MAGI2: variants seen among roughly 807,000 people sequenced by gnomAD.
The protein encoded by MAGI2 is membrane associated guanylate kinase, WW and PDZ domain containing 2.
In MAGI2, 35 loss-of-function variants were observed where a neutral mutation model predicts 133.3. The observed-to-expected ratio is 0.26, with a 90% CI of 0.20 to 0.35. MAGI2 has a LOEUF of 0.35. MAGI2 is among the 10% of genes least tolerant of loss of function. The pLI is 1.00. For synonymous variants in MAGI2, 729 were observed against 710.6 expected (o/e 1.03, Z -0.41); for missense variants, 1,636 against 1,863.4 (o/e 0.88, Z 2.25).
intron 2 of MAGI2, among the ~76,000 whole-genome samples, chr7:78,960,555 A>G (rs985585009): frequency 6.6e-6 from 1 of 152,202 alleles, no homozygotes; most frequent in African/African-American, 2.4e-5. Context: ...TAAAACAAAT[A>G]AAATGATGGT....
intron 5 of MAGI2, 35 bp from the exon 6 acceptor site, chr7:78,489,875 T>A: frequency 6.8e-7 from 1 of 1,480,694 alleles, no homozygotes; most frequent in Non-Finnish European, 9.3e-7. Flanking sequence ...AACAGACACA[T>A]ACTAAAAGGA....
At chr7:78,616,057 C>G (rs758279130) in intron 3 of MAGI2, 2 of 152,074 alleles carry the variant, frequency 1.3e-5, no homozygotes, top group African/African-American at 4.8e-5. Flanking sequence ...CAAACCTATC[C>G]TTCCTTATAG....
intron 2 of MAGI2, among the ~76,000 whole-genome samples, chr7:78,831,320 T>G (rs887586417): frequency 6.6e-6 from 1 of 152,298 alleles, no homozygotes; most frequent in African/African-American, 2.4e-5. Context: ...ATTTTTACAA[T>G]TTTCATCCTA....
At chr7:79,344,936 T>G (rs563725781) in intron 1 of MAGI2, among the ~76,000 whole-genome samples, 1 of 152,204 alleles carries the variant, frequency 6.6e-6, no homozygotes, top group Non-Finnish European at 1.5e-5. Context: ...TGATGAAAAC[T>G]TCCCTGTCTT....
In MAGI2 at chr7:78,907,909, G is replaced by C. The variant is rs541777835; in HGVS notation, c.418+99181C>G. On this transcript the variant is annotated intron_variant, in intron 2 of 21. Coordinates refer to ENST00000354212, the MANE Select transcript of MAGI2 (RefSeq NM_012301.4). ...AATATATTTAACTATTTAAAGCACTGAATAAAATAAACTAGCTTTATCTGA... is the reference window on the plus strand; with the variant it reads ...AATATATTTAACTATTTAAAGCACTCAATAAAATAAACTAGCTTTATCTGA... Among the ~76,000 whole-genome samples, 153 of 152,260 alleles carry C rather than the reference G, an allele frequency of 1.0e-3. 2 individuals are homozygous for C. The highest frequency in any genetic ancestry group is 3.1e-3 in the African/African-American group (130 of 41,552).
chr7:78,783,012 C>CTTTTTTTTTTTTTTTTTTTT (rs11432048), intron 2 of MAGI2, among the ~76,000 whole-genome samples: 24 of 96,192 alleles, frequency 2.5e-4, no homozygotes, highest in Admixed American at 5.0e-4. Flanking sequence ...TGATTCTTAC[C>CTTTTTTTTTTTTTTTTTTTT]TTTTTTTTTT....
At chr7:78,820,353 A>G (rs1375028713) in intron 2 of MAGI2, among the ~76,000 whole-genome samples, 1 of 151,988 alleles carries the variant, frequency 6.6e-6, no homozygotes, top group Non-Finnish European at 1.5e-5. Flanking sequence ...ACAGCAGGAA[A>G]GCAAAGGTTG....
chr7:79,452,986 C>G, intron 1 of MAGI2, 34 bp downstream of exon 1: 1 of 1,513,924 alleles, frequency 6.6e-7, no homozygotes, highest in South Asian at 1.3e-5. Flanking sequence ...GGTCCCACCG[C>G]CCGGCAAAAC....
intron 2 of MAGI2, among the ~76,000 whole-genome samples, chr7:78,705,603 C>T (rs1341095788): frequency 6.6e-6 from 1 of 152,034 alleles, no homozygotes; most frequent in Admixed American, 6.6e-5. Context: ...TGAGAAGAAG[C>T]TGATTCCAGT....
rs758850222 is a variant in MAGI2, at chr7:78,845,339, C to T, written c.418+161751G>A. On this transcript the variant is annotated intron_variant, in intron 2 of 21. Transcript: ENST00000354212. ...TCAGAATATAAACTGCTCTCCCTTG[C>T]CAGGATTTATCTCCATTTTAGTGAA... 1.5e-3 allele frequency among the ~76,000 whole-genome samples: 221 copies of T among 151,822 alleles called. 5 individuals are homozygous for T. The highest frequency in any genetic ancestry group is 3.5e-4 in the Non-Finnish European group (24 of 67,912).
At chr7:78,080,460 A>C (rs1049129142) in intron 20 of MAGI2, among the ~76,000 whole-genome samples, 1 of 152,198 alleles carries the variant, frequency 6.6e-6, no homozygotes, top group African/African-American at 2.4e-5. Flanking sequence ...CAACGGGCAT[A>C]ACTTGAATAG....
At chr7:78,503,716 T>C (rs1794849587) in intron 4 of MAGI2, among the ~76,000 whole-genome samples, 1 of 143,086 alleles carries the variant, frequency 7.0e-6, no homozygotes, top group Non-Finnish European at 1.5e-5. Flanking sequence ...CTCTCCTCCT[T>C]CCCCTCCCCA....
At chr7:78,560,467 A>T (rs1563170279) in intron 3 of MAGI2, among the ~76,000 whole-genome samples, 1 of 152,172 alleles carries the variant, frequency 6.6e-6, no homozygotes, top group Non-Finnish European at 1.5e-5. Context: ...TGATGTGGCA[A>T]AACGTAATCA....
At chr7:78,093,460 A>T (rs1418910139) in intron 20 of MAGI2, among the ~76,000 whole-genome samples, 1 of 152,186 alleles carries the variant, frequency 6.6e-6, no homozygotes, top group African/African-American at 2.4e-5. Context: ...TCTCAAAAAA[A>T]AAAAAGTAAG....
At chr7:78,761,408 C>T (rs1333282844) in intron 2 of MAGI2, among the ~76,000 whole-genome samples, 1 of 151,958 alleles carries the variant, frequency 6.6e-6, no homozygotes, top group African/African-American at 2.4e-5. Flanking sequence ...ATAGTGTTTC[C>T]CAAACATCAA....
At chr7:78,476,526 T>C (rs1399747621) in intron 6 of MAGI2, among the ~76,000 whole-genome samples, 1 of 151,970 alleles carries the variant, frequency 6.6e-6, no homozygotes, top group Non-Finnish European at 1.5e-5. Flanking sequence ...ACAAACACAA[T>C]CAACACAATT....
intron 6 of MAGI2, among the ~76,000 whole-genome samples, chr7:78,436,643 T>C (rs960508698): frequency 4.6e-5 from 7 of 152,198 alleles, no homozygotes; most frequent in African/African-American, 1.7e-4. Context: ...TAGTTGATTT[T>C]TCCTGGTTGA....
intron 2 of MAGI2, among the ~76,000 whole-genome samples, chr7:78,888,972 A>G (rs1796501447): frequency 6.6e-6 from 1 of 152,150 alleles, no homozygotes; most frequent in African/African-American, 2.4e-5. Context: ...AAGAAGTTAA[A>G]AACCTTGAAA....
At chr7:78,298,516 T>C (rs767735893) in intron 9 of MAGI2, among the ~76,000 whole-genome samples, 46 of 152,308 alleles carry the variant, frequency 3.0e-4, no homozygotes, top group Non-Finnish European at 2.9e-4. Flanking sequence ...AAAACTGTTA[T>C]TGTGTTTTTG....
Sources: allele counts gnomAD v4.1 joint callset (sites outside exome capture counted in the v4.1 genomes callset), GRCh38; gene constraint gnomAD v4.1.1; transcripts MANE v1.5; gene names NCBI Gene and HGNC (gene_info 2026-07-23, HGNC 2026-07-21).